SAMD12: variants seen among roughly 807,000 people sequenced by gnomAD.
The protein encoded by SAMD12 is sterile alpha motif domain-containing protein 12.
A neutral mutation model predicts 15.0 loss-of-function variants in SAMD12; 9 were observed. The ratio of observed to expected loss-of-function variants is 0.60; its 90% CI spans 0.36 to 1.05. The LOEUF (loss-of-function observed/expected upper bound fraction) is 1.05. Ranked by LOEUF, SAMD12 falls within the 50% of genes least tolerant of loss-of-function variation. The pLI is 0.01. For synonymous variants in SAMD12, 86 were observed against 90.1 expected, an observed-to-expected ratio of 0.96 and a Z score of 0.25; for missense variants, 230 against 234.2, an observed-to-expected ratio of 0.98 and a Z score of 0.12.
chr8:118,152,118 C>G, the SAMD12 span, among the ~76,000 whole-genome samples: 1 of 152,044 alleles, frequency 6.6e-6, no homozygotes. Context: ...CAGAAAAGAG[C>G]AGAAAGATGG....
At chr8:118,258,142 G>C (rs1812996187) in intron 4 of SAMD12, among the ~76,000 whole-genome samples, 1 of 152,134 alleles carries the variant, frequency 6.6e-6, no homozygotes, top group Non-Finnish European at 1.5e-5. Flanking sequence ...AATAAAAGGA[G>C]GTGAGTATGT....
At chr8:118,454,726 T>C (rs1254443049) in intron 2 of SAMD12, among the ~76,000 whole-genome samples, 1 of 152,200 alleles carries the variant, frequency 6.6e-6, no homozygotes, top group Admixed American at 6.5e-5. Context: ...TCACCACCAT[T>C]GATCTCCAGG....
intron 1 of SAMD12, among the ~76,000 whole-genome samples, chr8:118,582,648 C>T (rs1827325456): frequency 6.6e-6 from 1 of 152,126 alleles, no homozygotes; most frequent in South Asian, 2.1e-4. Flanking sequence ...TGAGACATAA[C>T]TATGTTCATT....
the SAMD12 span, among the ~76,000 whole-genome samples, chr8:118,132,206 A>G: frequency 7.2e-5 from 11 of 152,318 alleles, 1 homozygote; most frequent in African/African-American, 2.6e-4. Flanking sequence ...GTGTGTTCAT[A>G]GTTGCTCTAC....
At chr8:118,275,755 C>G (rs1195723566) in intron 4 of SAMD12, among the ~76,000 whole-genome samples, 1 of 152,146 alleles carries the variant, frequency 6.6e-6, no homozygotes, top group Non-Finnish European at 1.5e-5. Context: ...GTAGCCATTT[C>G]TATGTTCATG....
intron 4 of SAMD12, among the ~76,000 whole-genome samples, chr8:118,213,855 A>G (rs966742464): frequency 6.6e-6 from 1 of 152,204 alleles, no homozygotes; most frequent in African/African-American, 2.4e-5. Context: ...TAGCCCTCAT[A>G]GGACTATATC....
At chr8:118,486,201 T>G (rs1357237960) in intron 2 of SAMD12, among the ~76,000 whole-genome samples, 1 of 151,892 alleles carries the variant, frequency 6.6e-6, no homozygotes, top group Non-Finnish European at 1.5e-5. Context: ...GATCACGAGG[T>G]CAGGAGATAG....
chr8:118,299,236 A>C (rs1438950154), intron 4 of SAMD12, among the ~76,000 whole-genome samples: 1 of 152,212 alleles, frequency 6.6e-6, no homozygotes, highest in Non-Finnish European at 1.5e-5. Context: ...GGGAGCTCAG[A>C]GTCCCCAAGT....
downstream of SAMD12, among the ~76,000 whole-genome samples, chr8:118,185,613 T>C (rs948768901): frequency 3.3e-5 from 5 of 152,206 alleles, no homozygotes; most frequent in African/African-American, 1.2e-4. Context: ...AAATTAGAAC[T>C]GAACTGAAGT....
chr8:118,534,625 G>T (rs1825787857), intron 2 of SAMD12, among the ~76,000 whole-genome samples: 3 of 152,054 alleles, frequency 2.0e-5, no homozygotes, highest in South Asian at 4.2e-4. Context: ...CATATTTCTT[G>T]GAGGCTTTGT....
the SAMD12 span, among the ~76,000 whole-genome samples, chr8:118,160,475 A>ACTT: frequency 8.5e-5 from 13 of 152,230 alleles, no homozygotes; most frequent in African/African-American, 2.9e-4. Flanking sequence ...CCAGTGTCAT[A>ACTT]CTTAGGTTAA....
At chr8:118,461,239 T>C (rs544200776) in intron 2 of SAMD12, among the ~76,000 whole-genome samples, 1 of 152,364 alleles carries the variant, frequency 6.6e-6, no homozygotes, top group African/African-American at 2.4e-5. Flanking sequence ...CTATCCATCA[T>C]TTCCATACTT....
At chr8:118,294,786 C>T (rs1814619035) in intron 4 of SAMD12, among the ~76,000 whole-genome samples, 1 of 152,146 alleles carries the variant, frequency 6.6e-6, no homozygotes, top group Non-Finnish European at 1.5e-5. Flanking sequence ...TTCGTACATC[C>T]TTTCTCCTGT....
chr8:118,162,123 G>A, the SAMD12 span, among the ~76,000 whole-genome samples: 1 of 149,282 alleles, frequency 6.7e-6, no homozygotes, highest in Admixed American at 6.8e-5. Context: ...TCACGCCACT[G>A]CACTCCAGCC....
In SAMD12 at chr8:118,199,363, C is replaced by T. The variant is rs576245469; in HGVS notation, c.434-1631G>A. ...TGAAAGGGGTATAAACACCAATGTG[C>T]GTAAGATCCTATCCAGGTTGACCTG... On this transcript the variant is annotated intron_variant, in intron 4 of 4. Coordinates refer to the SAMD12 transcript ENST00000409003. 6.6e-5 allele frequency among the ~76,000 whole-genome samples: 10 copies of T among 152,250 alleles called. No homozygotes were observed. In the East Asian group the frequency reaches 1.4e-3, roughly 21 times the overall value.
chr8:118,601,017 C>T (rs1827851339), intron 1 of SAMD12, among the ~76,000 whole-genome samples: 1 of 152,042 alleles, frequency 6.6e-6, no homozygotes, highest in African/African-American at 2.4e-5. Context: ...CAACTGAAGA[C>T]CAAAAAAATC....
intron 2 of SAMD12, among the ~76,000 whole-genome samples, chr8:118,547,073 C>G (rs1826151379): frequency 6.6e-6 from 1 of 152,112 alleles, no homozygotes; most frequent in Admixed American, 6.6e-5. Context: ...AATAGAAGCT[C>G]CAAGTTAGGT....
At chr8:118,138,663 T>C in the SAMD12 span, among the ~76,000 whole-genome samples, 1 of 152,316 alleles carries the variant, frequency 6.6e-6, no homozygotes, top group East Asian at 1.9e-4. Flanking sequence ...TGGACTAAGA[T>C]GGTATTTCAA....
chr8:118,547,474 T>C (rs763286828), intron 2 of SAMD12, among the ~76,000 whole-genome samples: 4 of 152,210 alleles, frequency 2.6e-5, no homozygotes, highest in South Asian at 2.1e-4. Context: ...CTTGCCCCAC[T>C]AGACTAACTG....
Sources: gnomAD v4.1 joint callset for allele counts (sites outside exome capture counted in the v4.1 genomes callset) on GRCh38, gnomAD v4.1.1 for gene constraint, MANE v1.5 for transcripts, NCBI Gene and HGNC (gene_info 2026-07-23, HGNC 2026-07-21) for gene names.